MTUS2: variants seen among roughly 807,000 people sequenced by gnomAD.
MTUS2 encodes microtubule-associated tumor suppressor candidate 2.
In MTUS2, 40 loss-of-function variants were observed where a neutral mutation model predicts 114.1. That is an observed-to-expected ratio of 0.35 (90% CI 0.27 to 0.46). The LOEUF is 0.46. Among genes scored for constraint, MTUS2 ranks in the 20% least tolerant of loss-of-function variants. MTUS2 has a pLI of 1.00. For missense variants in MTUS2, 1,679 were observed against 1,705.4 expected, an observed-to-expected ratio of 0.98 and a Z score of 0.27; for synonymous variants, 688 against 672.0, an observed-to-expected ratio of 1.02 and a Z score of -0.37.
chr13:29,402,333 C>T (rs1410116775), intron 8 of MTUS2, among the ~76,000 whole-genome samples: 2 of 152,068 alleles, frequency 1.3e-5, no homozygotes, highest in Non-Finnish European at 2.9e-5. Flanking sequence ...CAAGCAGAGC[C>T]TCTCTCTTAG....
At chr13:29,454,608 C>T (rs912889922) in intron 9 of MTUS2, among the ~76,000 whole-genome samples, 9 of 151,922 alleles carry the variant, frequency 5.9e-5, no homozygotes, top group African/African-American at 1.5e-4. Flanking sequence ...CAGAAAAGGC[C>T]GTAGCAAGGA....
chr13:29,204,955 C>A (rs1239262211), intron 5 of MTUS2, among the ~76,000 whole-genome samples: 16 of 152,100 alleles, frequency 1.1e-4, no homozygotes, highest in African/African-American at 3.9e-4. Flanking sequence ...TCTGGGGGAC[C>A]AGGGAAGCTC....
chr13:28,992,634 C>T (rs1884913148), intron 2 of MTUS2, among the ~76,000 whole-genome samples: 1 of 152,160 alleles, frequency 6.6e-6, no homozygotes, highest in East Asian at 1.9e-4. Context: ...TTGGGTTATG[C>T]CTGACCATTT....
At position 29,359,489 on chromosome 13, in the gene MTUS2, G is replaced by A. The variant is rs752613837; in HGVS notation, c.3117+16G>A. The A allele has an allele frequency of 1.4e-5, 23 of 1,600,574 alleles. No individual in the cohort carries two copies. Among genetic ancestry groups the A allele is most frequent in the Middle Eastern group, 2.2e-4 (1 of 4,532 alleles). On this transcript the variant is annotated intron_variant, in intron 8 of 15. Coordinates refer to ENST00000612955, the MANE Select transcript of MTUS2 (RefSeq NM_001033602.4). ...CTTTAGAAAGGTGAGGCCCCATTTC[G>A]TGAAGGTCCAAGGGCATTTTGGTTG...
intron 11 of MTUS2, among the ~76,000 whole-genome samples, chr13:29,491,584 G>A (rs1259227366): frequency 6.7e-6 from 1 of 148,872 alleles, no homozygotes; most frequent in Non-Finnish European, 1.5e-5. Context: ...GTGTGGGGGT[G>A]TGTGTGACAG....
intron 2 of MTUS2, among the ~76,000 whole-genome samples, chr13:28,860,555 G>T (rs1876908546): frequency 6.6e-6 from 1 of 152,192 alleles, no homozygotes; most frequent in Non-Finnish European, 1.5e-5. Context: ...GGCGGCAGTG[G>T]AGTGCACCTT....
intron 2 of MTUS2, among the ~76,000 whole-genome samples, chr13:28,948,412 T>A (rs1495937): frequency 2.6e-5 from 4 of 152,118 alleles, no homozygotes; most frequent in African/African-American, 9.7e-5. Flanking sequence ...AGCTTTATAA[T>A]CCTTTAGGGC....
intron 9 of MTUS2, among the ~76,000 whole-genome samples, chr13:29,478,231 G>A (rs777136904): frequency 1.3e-5 from 2 of 152,178 alleles, no homozygotes; most frequent in Non-Finnish European, 2.9e-5. Flanking sequence ...GGACGTCATC[G>A]GAGTAACTCG....
At chr13:29,296,800 T>C (rs1255882213) in intron 6 of MTUS2, among the ~76,000 whole-genome samples, 1 of 152,184 alleles carries the variant, frequency 6.6e-6, no homozygotes, top group South Asian at 2.1e-4. Context: ...ATTATTTTGA[T>C]GTTTACTGTT....
chr13:28,876,512 A>G (rs3001939), intron 2 of MTUS2, among the ~76,000 whole-genome samples: 36,793 of 151,932 alleles, frequency 0.24, 6,927 homozygotes, highest in African/African-American at 0.53. Flanking sequence ...CAGTTCCAAA[A>G]CTCTCTTCTC....
chr13:29,042,816 CCT>C (rs1290440839), intron 4 of MTUS2, among the ~76,000 whole-genome samples: 4 of 152,000 alleles, frequency 2.6e-5, no homozygotes, highest in South Asian at 2.1e-4. Context: ...TATAATATCC[CCT>C]GTTTTGTTTC....
chr13:28,866,580 G>A (rs1217144018), intron 2 of MTUS2, among the ~76,000 whole-genome samples: 2 of 152,132 alleles, frequency 1.3e-5, no homozygotes, highest in Non-Finnish European at 2.9e-5. Flanking sequence ...TTCTGAAATG[G>A]TTTGAGATAA....
intron 7 of MTUS2, among the ~76,000 whole-genome samples, chr13:29,347,813 T>C: frequency 6.6e-6 from 1 of 152,286 alleles, no homozygotes; most frequent in African/African-American, 2.4e-5. Context: ...CACAATCTCC[T>C]CCATAAGTTG....
intron 5 of MTUS2, among the ~76,000 whole-genome samples, chr13:29,275,252 TAGTA>T (rs767176097): frequency 2.6e-5 from 4 of 152,214 alleles, no homozygotes; most frequent in East Asian, 1.9e-4. Flanking sequence ...TGTGGATACA[TAGTA>T]AGTATGTATA....
At chr13:29,306,802 G>A (rs562402400) in intron 6 of MTUS2, 6 of 391,930 alleles carry the variant, frequency 1.5e-5, no homozygotes, top group African/African-American at 2.1e-5. Context: ...GGCCAGAGTC[G>A]ACAGATTTGG....
At chr13:29,491,889 A>C (rs574104434) in intron 11 of MTUS2, among the ~76,000 whole-genome samples, 25 of 100,190 alleles carry the variant, frequency 2.5e-4, no homozygotes, top group African/African-American at 9.6e-4. Flanking sequence ...GTGGGTGTGT[A>C]TGTGTGCGTG....
chr13:28,930,710 C>T (rs1256939580), intron 2 of MTUS2, among the ~76,000 whole-genome samples: 1 of 152,140 alleles, frequency 6.6e-6, no homozygotes, highest in African/African-American at 2.4e-5. Context: ...GGTAGAATCC[C>T]ACCTGGAAAA....
chr13:29,139,969 T>G (rs991635586), intron 5 of MTUS2, among the ~76,000 whole-genome samples: 39 of 152,190 alleles, frequency 2.6e-4, no homozygotes, highest in African/African-American at 9.2e-4. Flanking sequence ...TCAGCAACGT[T>G]TTTGCAAACC....
chr13:29,456,876 G>A (rs556889566), intron 9 of MTUS2, among the ~76,000 whole-genome samples: 3 of 152,082 alleles, frequency 2.0e-5, no homozygotes, highest in Admixed American at 6.6e-5. Flanking sequence ...GGTGGCTCAC[G>A]CCTGTAATCC....
Sources: allele counts gnomAD v4.1 joint callset (sites outside exome capture counted in the v4.1 genomes callset), GRCh38; gene constraint gnomAD v4.1.1; transcripts MANE v1.5; gene names NCBI Gene and HGNC (gene_info 2026-07-23, HGNC 2026-07-21).